The following GOLGA8N variants were observed in gnomAD, a reference collection of about 807,000 sequenced individuals.
GOLGA8N encodes golgin subfamily A member 8N.
A neutral mutation model predicts 22.0 loss-of-function variants in GOLGA8N; 2 were observed. The observed-to-expected ratio is 0.09, with a 90% confidence interval of 0.04 to 0.29. The LOEUF (loss-of-function observed/expected upper bound fraction) is 0.29. Ranked by LOEUF, GOLGA8N falls within the 10% of genes least tolerant of loss-of-function variation. The pLI is 1.00. For synonymous variants in GOLGA8N, 2 were observed against 58.7 expected, an observed-to-expected ratio of 0.03 and a Z score of 4.41; for missense variants, 10 against 164.7, an observed-to-expected ratio of 0.06 and a Z score of 5.14.
exon 19 of GOLGA8N, chr15:32,606,886 C>G (rs1236011295): frequency 2.0e-5 from 3 of 149,946 alleles, no homozygotes; most frequent in Non-Finnish European, 4.4e-5. Flanking sequence ...AAAAATGTAA[C>G]TGCTATCTTA....
At chr15:32,605,313 C>A (rs1157355864) in exon 19 of GOLGA8N, 1 of 147,766 alleles carries the variant, frequency 6.8e-6, no homozygotes, top group Non-Finnish European at 1.5e-5. Flanking sequence ...ATTATACTAT[C>A]TTTGAAAATC....
chr15:32,606,617 A>G (rs1015328411), exon 19 of GOLGA8N: 2 of 150,048 alleles, frequency 1.3e-5, no homozygotes, highest in African/African-American at 4.9e-5. Flanking sequence ...CATGAGAAAC[A>G]TAGAATTTTA....
At position 32,597,571 on chromosome 15, in the gene GOLGA8N, C is replaced by G. The variant is rs1420764079; in HGVS notation, c.348+82C>G. The G allele has an allele frequency of 4.6e-5, 74 of 1,597,688 alleles. 1 individual carries two copies. Among genetic ancestry groups the G allele is most frequent in the Non-Finnish European group, 5.9e-5 (69 of 1,174,278 alleles). On this transcript the variant is annotated intron_variant, in intron 5 of 18. Transcript: ENST00000448387. Reference sequence around the variant, plus strand: ...ATAGAGGCCCCAGTCTCGTCTCACCCACTCCCAGCCTGGGGAAGAAGGCTG... The same window carrying G: ...ATAGAGGCCCCAGTCTCGTCTCACCGACTCCCAGCCTGGGGAAGAAGGCTG...
At chr15:32,594,688 G>A in intron 1 of GOLGA8N, 1 of 252,062 alleles carries the variant, frequency 4.0e-6, no homozygotes, top group East Asian at 1.1e-4. Flanking sequence ...TCTTTCTGAA[G>A]CATCAGTTTC....
chr15:32,605,829 TGAAA>T (rs1249036895), exon 19 of GOLGA8N: 1 of 107,526 alleles, frequency 9.3e-6, no homozygotes, highest in African/African-American at 3.4e-5. Flanking sequence ...TGGCATTCAC[TGAAA>T]GAGTGCAAAT....
exon 19 of GOLGA8N, chr15:32,606,522 A>C (rs1220821578): frequency 2.0e-5 from 3 of 151,718 alleles, no homozygotes; most frequent in Non-Finnish European, 2.9e-5. Context: ...GCGATACCTC[A>C]TTCAGCCGAG....
exon 19 of GOLGA8N, chr15:32,606,851 T>A (rs1214872837): frequency 3.3e-3 from 491 of 150,860 alleles, no homozygotes; most frequent in African/African-American, 0.012. Flanking sequence ...TTTATCTTAG[T>A]CATTTTAAAA....
exon 19 of GOLGA8N, chr15:32,606,530 G>A (rs998190468): frequency 1.1e-4 from 16 of 151,624 alleles, no homozygotes; most frequent in Non-Finnish European, 1.6e-4. Flanking sequence ...TCATTCAGCC[G>A]AGTATTTGTA....
chr15:32,598,547 T>TG (rs529103532), intron 8 of GOLGA8N, among the ~76,000 whole-genome samples: 4 of 3,380 alleles, frequency 1.2e-3, no homozygotes, highest in African/African-American at 9.5e-3. Context: ...CGTGTGTGCG[T>TG]TGTGTGTGTG....
At position 32,593,614 on chromosome 15, in the gene GOLGA8N, T is replaced by C; in HGVS notation, c.48+13T>C. On this transcript the variant is annotated intron_variant, in intron 1 of 18. Transcript: ENST00000448387. ...AGCCAAGAAAAAGGTAAAAACGCAC[T>C]AGGTCATAGCCCCTCAACCCAGCCA... is the stretch of plus-strand genomic sequence containing the variant. The C allele has an allele frequency of 6.5e-7, 1 of 1,528,470 alleles. No individual in the cohort carries two copies. The highest frequency in any genetic ancestry group is 1.2e-5 in the South Asian group (1 of 83,396). The allele number at this position is 1,528,470 out of a possible 1,614,324, so 94.7% of individuals were successfully genotyped here.
At chr15:32,605,324 AAGG>A (rs1452829542) in exon 19 of GOLGA8N, 2 of 147,396 alleles carry the variant, frequency 1.4e-5, no homozygotes, top group African/African-American at 5.0e-5. Flanking sequence ...TTTGAAAATC[AAGG>A]AGAAGTTTAT....
exon 19 of GOLGA8N, chr15:32,606,882 G>GT (rs1486038321): frequency 2.7e-5 from 4 of 149,918 alleles, no homozygotes; most frequent in African/African-American, 4.9e-5. Context: ...ATTAAAAAAT[G>GT]TAACTGCTAT....
At chr15:32,605,197 T>C (rs2052918471) in exon 19 of GOLGA8N, 1 of 124,986 alleles carries the variant, frequency 8.0e-6, no homozygotes, top group African/African-American at 3.1e-5. Flanking sequence ...ATATAGGAAT[T>C]TACTTCTTTT....
chr15:32,607,223 T>C (rs1567041058), exon 19 of GOLGA8N: 1 of 152,436 alleles, frequency 6.6e-6, no homozygotes, highest in Non-Finnish European at 1.5e-5. Flanking sequence ...ATTAAAGGTA[T>C]TGATACTGTG....
In GOLGA8N at chr15:32,598,133, G is replaced by A. The variant is rs766422654; in HGVS notation, c.547G>A (p.Ala183Thr). ...GCAGTGTAAAGGAGAGTTAGAGAGC[G>A]CTCTGTCTGCTGTCATCGCCACAGA... The change falls in exon 8 of 19, where the codon GCT becomes ACT. Residue 183 changes from alanine to threonine, a missense_variant. Physicochemically the swap from Ala to Thr is moderately conservative, Grantham distance 58. Around this residue, in one of 3 missense-constraint regions of GOLGA8N, gnomAD observed 9 missense variants for 30.5 expected, o/e 0.30. Transcript: ENST00000448387. 9.3e-5 allele frequency: 118 copies of A among 1,273,244 alleles called. 6 individuals carry two copies. In the South Asian group the frequency reaches 1.0e-3, roughly 11 times the overall value. The allele number at this position is 1,273,244 out of a possible 1,614,324, so 78.9% of individuals were successfully genotyped here. A position where few individuals can be genotyped will look rare whatever the true frequency, so the allele number is the denominator to read the frequency against.
intron 5 of GOLGA8N, 95 bp downstream of exon 5, chr15:32,597,584 G>T (rs1417602726): frequency 1.2e-6 from 2 of 1,602,204 alleles, no homozygotes; most frequent in Non-Finnish European, 1.7e-6. Context: ...TCCCAGCCTG[G>T]GGAAGAAGGC....
exon 19 of GOLGA8N, chr15:32,606,866 A>G (rs898271769): frequency 1.3e-5 from 2 of 150,928 alleles, no homozygotes; most frequent in Non-Finnish European, 3.0e-5. Context: ...TTAAAATAAT[A>G]TAACTATTAA....
At chr15:32,607,095 C>G (rs1463811899) in exon 19 of GOLGA8N, 1 of 151,670 alleles carries the variant, frequency 6.6e-6, no homozygotes, top group Admixed American at 6.6e-5. Context: ...AGATTTTTCC[C>G]TAGAGTGGCC....
rs1567038635 is a variant in GOLGA8N, at chr15:32,598,545, CGTTGTGTGT to C, written c.591+371_591+379del. Among the ~76,000 whole-genome samples, 2 of 49,320 alleles carry C rather than the reference CGTTGTGTGT, an allele frequency of 4.1e-5. 1 individual carries two copies. The highest frequency in any genetic ancestry group is 1.0e-3 in the South Asian group (2 of 1,922). 32.4% of individuals were successfully genotyped at this position (49,320 alleles called of 152,430 possible). On this transcript the variant is annotated intron_variant, in intron 8 of 18. Coordinates refer to ENST00000448387, the Ensembl canonical transcript of GOLGA8N. The stretch of plus-strand genomic sequence containing the variant: ...TCTGTAGAAAGAGGAAACGTGTGTG[CGTTGTGTGT>C]GTGTGTGTGTGCATACTGTGATAAT...
Sources: gnomAD v4.1 joint callset for allele counts (sites outside exome capture counted in the v4.1 genomes callset) on GRCh38, gnomAD v4.1.1 for gene constraint, gnomAD v4.1.1 regional missense constraint, MANE v1.5 for transcripts, NCBI Gene and HGNC (gene_info 2026-07-23, HGNC 2026-07-21) for gene names.